DGKB: variants seen among roughly 807,000 people sequenced by gnomAD.
DGKB encodes the protein diacylglycerol kinase beta.
Under a neutral mutation model 114.3 loss-of-function variants are expected in DGKB, and 67 were observed. The observed-to-expected ratio is 0.59, with a 90% CI of 0.48 to 0.72. The LOEUF is 0.72. Among genes scored for constraint, DGKB ranks in the 30% least tolerant of loss-of-function variants. The probability of loss-of-function intolerance (pLI) is 0.00; values close to 1 mark genes in which losing one functional copy is unlikely to be tolerated. For synonymous variants in DGKB, 398 were observed against 323.1 expected, an observed-to-expected ratio of 1.23 and a Z score of -2.49; for missense variants, 907 against 975.2, an observed-to-expected ratio of 0.93 and a Z score of 0.93.
chr7:14,268,524 A>G (rs894391940), intron 23 of DGKB, among the ~76,000 whole-genome samples: 5 of 152,202 alleles, frequency 3.3e-5, no homozygotes, highest in Admixed American at 3.3e-4. Context: ...TAACAATGTA[A>G]AAGCACATGA....
intron 15 of DGKB, among the ~76,000 whole-genome samples, chr7:14,618,851 A>C (rs1807062490): frequency 6.6e-6 from 1 of 151,404 alleles, no homozygotes; most frequent in African/African-American, 2.4e-5. Flanking sequence ...GTTATATGCA[A>C]ACTGGGCTGC....
Position 14,849,577 on chromosome 7 carries a change from T to C in DGKB, c.-187-8127A>G, listed in dbSNP as rs1322580879. Among the ~76,000 whole-genome samples the C allele has an allele frequency of 2.0e-5, 3 of 152,320 alleles. 1 individual carries two copies. In the South Asian group the frequency reaches 6.2e-4, roughly 32 times the overall value. ...TTATAAAATAAATTTCTCTTTATTA[T>C]AAATTACCCAGTATCAGTAATTCTG... On this transcript the variant is annotated intron_variant, in intron 1 of 25. Coordinates refer to ENST00000402815, the MANE Select transcript of DGKB (RefSeq NM_001350709.2).
chr7:14,313,074 GAT>G (rs1465528262), intron 23 of DGKB, among the ~76,000 whole-genome samples: 4 of 152,264 alleles, frequency 2.6e-5, no homozygotes, highest in African/African-American at 9.6e-5. Context: ...AAAATTGATT[GAT>G]GTTTCTATAT....
chr7:14,222,781 G>C (rs1426008206), intron 23 of DGKB, among the ~76,000 whole-genome samples: 1 of 151,390 alleles, frequency 6.6e-6, no homozygotes, highest in Non-Finnish European at 1.5e-5. Context: ...TTACTGAATT[G>C]TCTATTTCTC....
intron 25 of DGKB, among the ~76,000 whole-genome samples, chr7:14,170,193 G>GAAAT (rs1379841631): frequency 1.4e-4 from 20 of 138,616 alleles, no homozygotes; most frequent in Non-Finnish European, 2.3e-4. Flanking sequence ...AAGAAAGAAA[G>GAAAT]AAAGAAAGAA....
chr7:14,449,617 ATAT>A (rs890284567), intron 21 of DGKB, among the ~76,000 whole-genome samples: 5 of 152,040 alleles, frequency 3.3e-5, no homozygotes, highest in African/African-American at 1.2e-4. Flanking sequence ...ATTGCCTATA[ATAT>A]CTGCATTCAC....
chr7:14,418,617 C>A (rs1167908771), intron 21 of DGKB, among the ~76,000 whole-genome samples: 1 of 151,680 alleles, frequency 6.6e-6, no homozygotes, highest in Non-Finnish European at 1.5e-5. Flanking sequence ...AACAGGCTAT[C>A]ATTCTGATGC....
chr7:14,934,530 T>A (rs542883156), intron 1 of DGKB, among the ~76,000 whole-genome samples: 1 of 152,264 alleles, frequency 6.6e-6, no homozygotes, highest in African/African-American at 2.4e-5. Context: ...TTTCTGAATG[T>A]ACAAAGTAGA....
chr7:14,798,133 A>G (rs770167122), intron 2 of DGKB, among the ~76,000 whole-genome samples: 8 of 152,158 alleles, frequency 5.3e-5, no homozygotes, highest in Admixed American at 2.0e-4. Flanking sequence ...ATAATTCAGA[A>G]GGGAGCAATC....
chr7:14,556,791 T>C (rs1257007785), intron 20 of DGKB, among the ~76,000 whole-genome samples: 2 of 152,196 alleles, frequency 1.3e-5, no homozygotes, highest in Non-Finnish European at 2.9e-5. Context: ...GTAAATTTTA[T>C]TTTGGAAGCT....
intron 23 of DGKB, among the ~76,000 whole-genome samples, chr7:14,231,979 G>A (rs890473502): frequency 1.3e-5 from 2 of 151,958 alleles, no homozygotes; most frequent in African/African-American, 4.8e-5. Context: ...TGTGTTTATT[G>A]GATTTTCCTC....
At chr7:14,929,671 TG>T (rs1210218061) in intron 1 of DGKB, among the ~76,000 whole-genome samples, 1 of 152,154 alleles carries the variant, frequency 6.6e-6, no homozygotes, top group Non-Finnish European at 1.5e-5. Flanking sequence ...TTCTGCAGGC[TG>T]TCTGTTCACT....
At chr7:14,795,059 G>C (rs544937921) in intron 2 of DGKB, among the ~76,000 whole-genome samples, 65 of 152,154 alleles carry the variant, frequency 4.3e-4, no homozygotes, top group Non-Finnish European at 7.5e-4. Context: ...CCTATAATTA[G>C]ACTCAAGTCT....
At chr7:14,571,943 A>AT (rs376222036) in intron 20 of DGKB, among the ~76,000 whole-genome samples, 45 of 152,316 alleles carry the variant, frequency 3.0e-4, no homozygotes, top group African/African-American at 1.1e-3. Flanking sequence ...CTGTGGGCAG[A>AT]TAAAAATCCA....
At chr7:14,742,590 T>C (rs1232929771) in intron 4 of DGKB, among the ~76,000 whole-genome samples, 1 of 152,226 alleles carries the variant, frequency 6.6e-6, no homozygotes. Flanking sequence ...CTTAGAGAAC[T>C]GTTCAACTTG....
rs569277008 is a variant in DGKB at position 14,826,327 on chromosome 7, A to C, written c.70+14867T>G. 1.3e-3 allele frequency among the ~76,000 whole-genome samples: 192 copies of C among 152,250 alleles called. 1 individual carries two copies. Among genetic ancestry groups the C allele is most frequent in the African/African-American group, 4.1e-3 (171 of 41,550 alleles). ...ATCAGAACTATCTTAAACCTCTCTT[A>C]AAGGAAACACTTTCAAAATTATCCT... On this transcript the variant is annotated intron_variant, in intron 2 of 25. Transcript: ENST00000402815.
chr7:14,884,201 A>T (rs1854665730), intron 1 of DGKB, among the ~76,000 whole-genome samples: 2 of 151,984 alleles, frequency 1.3e-5, no homozygotes, highest in Non-Finnish European at 2.9e-5. Flanking sequence ...GTTCCAATAA[A>T]ACTTTATTTA....
chr7:14,584,925 G>A (rs931851511), intron 17 of DGKB, among the ~76,000 whole-genome samples: 1 of 152,096 alleles, frequency 6.6e-6, no homozygotes, highest in African/African-American at 2.4e-5. Context: ...CTCCCAAAGT[G>A]CTGGGATTAC....
At chr7:14,467,147 T>C (rs1780598040) in intron 21 of DGKB, among the ~76,000 whole-genome samples, 1 of 150,460 alleles carries the variant, frequency 6.6e-6, no homozygotes, top group Non-Finnish European at 1.5e-5. Context: ...TATATGTTTA[T>C]ATAAGCTAAT....
Sources: gnomAD v4.1 joint callset for allele counts (sites outside exome capture counted in the v4.1 genomes callset) on GRCh38, gnomAD v4.1.1 for gene constraint, MANE v1.5 for transcripts, NCBI Gene and HGNC (gene_info 2026-07-23, HGNC 2026-07-21) for gene names.